Variants in SLC16A7 observed in about 807,000 individuals in gnomAD.
SLC16A7 encodes the protein monocarboxylate transporter 2.
Under a neutral mutation model 34.9 loss-of-function variants are expected in SLC16A7, and 33 were observed. The observed-to-expected ratio is 0.94, with a 90% CI of 0.72 to 1.26. SLC16A7 has a LOEUF of 1.26. Ranked by LOEUF, SLC16A7 falls within the 50% of genes most tolerant of loss-of-function variation. The pLI is 0.00. For synonymous variants in SLC16A7, 201 were observed against 206.6 expected, an observed-to-expected ratio of 0.97 and a Z score of 0.23; for missense variants, 573 against 578.1, an observed-to-expected ratio of 0.99 and a Z score of 0.09.
intron 1 of SLC16A7, among the ~76,000 whole-genome samples, chr12:59,622,431 C>CTGTGAT (rs1879735089): frequency 6.6e-6 from 1 of 151,726 alleles, no homozygotes; most frequent in African/African-American, 2.4e-5. Context: ...GTCTATTTTT[C>CTGTGAT]TGTGATTGTT....
intron 3 of SLC16A7, among the ~76,000 whole-genome samples, chr12:59,745,741 A>G (rs998172172): frequency 6.6e-6 from 1 of 152,248 alleles, no homozygotes; most frequent in African/African-American, 2.4e-5. Flanking sequence ...TGAAATTCTT[A>G]TAGACATTTC....
intron 3 of SLC16A7, among the ~76,000 whole-genome samples, chr12:59,712,634 C>T (rs538720607): frequency 6.6e-6 from 1 of 152,302 alleles, no homozygotes; most frequent in Admixed American, 6.5e-5. Flanking sequence ...GCAGATTCCT[C>T]AAGAAAAACA....
intron 3 of SLC16A7, among the ~76,000 whole-genome samples, chr12:59,752,293 G>T (rs1358050774): frequency 1.3e-5 from 2 of 152,122 alleles, no homozygotes; most frequent in African/African-American, 4.8e-5. Context: ...GGATTCAGAC[G>T]ATCAAACCAC....
At chr12:59,763,817 A>T (rs1404208480) in intron 3 of SLC16A7, 2 of 152,038 alleles carry the variant, frequency 1.3e-5, no homozygotes, top group Non-Finnish European at 2.9e-5. Context: ...TATATCTGTT[A>T]TGGTTATCTT....
intron 3 of SLC16A7, among the ~76,000 whole-genome samples, chr12:59,735,306 A>T (rs1443027726): frequency 1.3e-5 from 2 of 152,198 alleles, no homozygotes; most frequent in Non-Finnish European, 2.9e-5. Flanking sequence ...TATTTCATTG[A>T]ATCATTTTCA....
At chr12:59,656,920 T>A (rs1330907598) in intron 2 of SLC16A7, among the ~76,000 whole-genome samples, 3 of 152,004 alleles carry the variant, frequency 2.0e-5, no homozygotes, top group African/African-American at 7.2e-5. Flanking sequence ...TAGGTTCAAA[T>A]GCTGCCTCTG....
At chr12:59,696,770 T>C (rs1263272557) in intron 2 of SLC16A7, among the ~76,000 whole-genome samples, 1 of 151,976 alleles carries the variant, frequency 6.6e-6, no homozygotes, top group East Asian at 1.9e-4. Context: ...TCTGGGTCTC[T>C]TTTCTAATGG....
intron 3 of SLC16A7, among the ~76,000 whole-genome samples, chr12:59,739,525 G>A (rs1201787398): frequency 1.4e-5 from 2 of 143,428 alleles, no homozygotes; most frequent in African/African-American, 5.4e-5. Flanking sequence ...TGTCTTTATA[G>A]CAGCATGATT....
intron 1 of SLC16A7, among the ~76,000 whole-genome samples, chr12:59,625,126 C>T (rs1296568902): frequency 2.0e-5 from 3 of 151,732 alleles, no homozygotes; most frequent in South Asian, 2.1e-4. Flanking sequence ...TTACAAAGGA[C>T]AGAGACTTGC....
intron 1 of SLC16A7, among the ~76,000 whole-genome samples, chr12:59,612,958 A>G (rs1420210714): frequency 3.9e-5 from 6 of 151,936 alleles, no homozygotes; most frequent in East Asian, 3.9e-4. Flanking sequence ...AACTGTTCCA[A>G]CCTCTGCCTA....
Position 59,717,879 on chromosome 12 carries a change from G to T in SLC16A7, c.217+12861G>T, listed in dbSNP as rs184187805. 2.5e-3 allele frequency among the ~76,000 whole-genome samples: 380 copies of T among 152,232 alleles called. 6 individuals are homozygous for T. The highest frequency in any genetic ancestry group is 3.3e-3 in the Non-Finnish European group (222 of 67,988). ...AGTGAATGTTGAACAATTATATTTA[G>T]ATTTTTTTTCTACCTATTTGTGAAG... On this transcript the variant is annotated intron_variant, in intron 3 of 5. Coordinates refer to ENST00000547379, the MANE Select transcript of SLC16A7 (RefSeq NM_001270623.2).
chr12:59,710,075 G>T (rs1013423737), intron 3 of SLC16A7, among the ~76,000 whole-genome samples: 5 of 151,624 alleles, frequency 3.3e-5, no homozygotes, highest in Admixed American at 2.6e-4. Context: ...AACACACTAT[G>T]AGATAGCCTT....
At chr12:59,728,948 C>A (rs1876611639) in intron 3 of SLC16A7, among the ~76,000 whole-genome samples, 1 of 152,080 alleles carries the variant, frequency 6.6e-6, no homozygotes, top group Admixed American at 6.5e-5. Context: ...GGTGTCCTAC[C>A]TAGATACTTG....
At chr12:59,715,916 A>G (rs2137183094) in intron 3 of SLC16A7, among the ~76,000 whole-genome samples, 1 of 152,314 alleles carries the variant, frequency 6.6e-6, no homozygotes, top group East Asian at 1.9e-4. Flanking sequence ...CACAACCACA[A>G]AGCTAATTTA....
intron 3 of SLC16A7, among the ~76,000 whole-genome samples, chr12:59,716,315 G>T (rs1874892006): frequency 6.6e-6 from 1 of 152,124 alleles, no homozygotes; most frequent in African/African-American, 2.4e-5. Context: ...TTCTTGGAAG[G>T]CTGAAATGGA....
At chr12:59,688,659 G>T (rs1451911363) in intron 2 of SLC16A7, among the ~76,000 whole-genome samples, 1 of 151,948 alleles carries the variant, frequency 6.6e-6, no homozygotes, top group Non-Finnish European at 1.5e-5. Flanking sequence ...CTGTCTGTGA[G>T]TATCCTCTTT....
chr12:59,604,153 G>T (rs930425740), intron 1 of SLC16A7, among the ~76,000 whole-genome samples: 1 of 152,206 alleles, frequency 6.6e-6, no homozygotes, highest in Non-Finnish European at 1.5e-5. Flanking sequence ...CAAATGCATA[G>T]AATACTTCAA....
intron 1 of SLC16A7, among the ~76,000 whole-genome samples, chr12:59,645,352 G>T (rs190646649): frequency 2.0e-5 from 3 of 152,184 alleles, no homozygotes; most frequent in African/African-American, 7.2e-5. Flanking sequence ...ATCTTGAATT[G>T]TAGTTCCCAT....
chr12:59,616,969 C>T (rs1234626727), intron 1 of SLC16A7, among the ~76,000 whole-genome samples: 1 of 151,962 alleles, frequency 6.6e-6, no homozygotes, highest in Non-Finnish European at 1.5e-5. Context: ...TATGTTATAG[C>T]GTAAATGCAT....
Sources: allele counts gnomAD v4.1 joint callset (sites outside exome capture counted in the v4.1 genomes callset), GRCh38; gene constraint gnomAD v4.1.1; transcripts MANE v1.5; gene names NCBI Gene and HGNC (gene_info 2026-07-23, HGNC 2026-07-21).